Variants in LGR6 observed in about 807,000 individuals in gnomAD.
The protein encoded by LGR6 is leucine rich repeat containing G protein-coupled receptor 6.
A neutral mutation model predicts 69.4 loss-of-function variants in LGR6; 45 were observed. That is an observed-to-expected ratio of 0.65 (90% CI 0.51 to 0.83). LGR6 has a LOEUF of 0.83. Ranked by LOEUF, LGR6 falls within the 40% of genes least tolerant of loss-of-function variation. LGR6 has a pLI of 0.00. For missense variants in LGR6, 1,108 were observed against 1,246.7 expected (o/e 0.89, Z 1.68); for synonymous variants, 538 against 555.0 (o/e 0.97, Z 0.43).
At chr1:202,270,149 C>CT (rs147975243) in intron 4 of LGR6, among the ~76,000 whole-genome samples, 4,283 of 152,278 alleles carry the variant, frequency 0.028, 89 homozygotes, top group Middle Eastern at 0.086. Flanking sequence ...ACACAAAGAA[C>CT]TGTGAGTCTC....
chr1:202,276,955 C>T (rs1375178463), intron 5 of LGR6, among the ~76,000 whole-genome samples: 2 of 152,106 alleles, frequency 1.3e-5, no homozygotes, highest in African/African-American at 4.8e-5. Flanking sequence ...CCTTAAGAAG[C>T]AGAGAAAAGT....
At chr1:202,293,912 T>A (rs1571981695) in intron 6 of LGR6, among the ~76,000 whole-genome samples, 1 of 152,194 alleles carries the variant, frequency 6.6e-6, no homozygotes, top group South Asian at 2.1e-4. Context: ...GACCAGAAAC[T>A]GCCAAGGAGG....
Position 202,235,961 on chromosome 1 carries a change from G to C in LGR6, c.396G>C (p.Glu132Asp). 1.4e-5 allele frequency: 23 copies of C among 1,614,016 alleles called. No homozygotes were observed. Among genetic ancestry groups the C allele is most frequent in the Non-Finnish European group, 1.9e-5 (23 of 1,180,010 alleles). ...QNNQLGGIPAEALWELPSLQS... is the reference protein window; with the variant it reads ...QNNQLGGIPADALWELPSLQS... ...ATCAGCTGGGAGGAATCCCCGCAGA[G>C]GCGCTGTGGGAGCTGCCGAGCCTGC... The change falls in exon 4 of 18, where the codon GAG (glutamate) becomes GAC (aspartate). Residue 132 changes from glutamate to aspartate, a missense_variant. Transcript: ENST00000367278.
At chr1:202,205,570 AC>A (rs1397165958) in intron 1 of LGR6, among the ~76,000 whole-genome samples, 1 of 147,546 alleles carries the variant, frequency 6.8e-6, no homozygotes, top group African/African-American at 2.5e-5. Flanking sequence ...CCTCCTTCAA[AC>A]ATACACATAC....
At chr1:202,236,185 A>C in intron 4 of LGR6, 192 bp downstream of exon 4, 1 of 597,100 alleles carries the variant, frequency 1.7e-6, no homozygotes, top group South Asian at 2.0e-5. Flanking sequence ...GGCTGTGTAC[A>C]CTCCTATGCA....
intron 3 of LGR6, among the ~76,000 whole-genome samples, chr1:202,233,245 A>G (rs1661239236): frequency 6.6e-6 from 1 of 152,170 alleles, no homozygotes; most frequent in Non-Finnish European, 1.5e-5. Context: ...GATTTGACAA[A>G]GGAAAGGATG....
intron 1 of LGR6, among the ~76,000 whole-genome samples, chr1:202,213,148 G>A (rs189883624): frequency 1.3e-5 from 2 of 152,294 alleles, no homozygotes; most frequent in East Asian, 3.9e-4. Flanking sequence ...TGGCAATAAG[G>A]AACTTGGGCT....
Position 202,214,325 on chromosome 1 carries a change from G to A in LGR6, c.213-11098G>A. On this transcript the variant is annotated intron_variant, in intron 1 of 17. Transcript: ENST00000367278. ...AGCAGGACCCAGAAACCGACGCGAC[G>A]GGTGGGGCGCTACCCGGGCCGGCCC... The A allele has an allele frequency of 3.8e-6, 5 of 1,321,410 alleles. No homozygotes were observed. In the South Asian group the frequency reaches 7.5e-5, roughly 20 times the overall value. The allele number at this position is 1,321,410 out of a possible 1,614,324, so 81.9% of individuals were successfully genotyped here. A position where few individuals can be genotyped will look rare whatever the true frequency, so the allele number is the denominator to read the frequency against.
At chr1:202,209,800 G>A (rs1659392509) in intron 1 of LGR6, among the ~76,000 whole-genome samples, 1 of 152,162 alleles carries the variant, frequency 6.6e-6, no homozygotes, top group Admixed American at 6.5e-5. Context: ...GACCTACTGA[G>A]CCAGAATCTT....
At chr1:202,280,946 AG>A in intron 6 of LGR6, 94 bp downstream of exon 6, 6 of 1,166,336 alleles carry the variant, frequency 5.1e-6, no homozygotes, top group African/African-American at 1.5e-5. Context: ...AAGAGCCAGC[AG>A]TCCTGGGATG....
chr1:202,214,217 T>G lies in LGR6; in HGVS notation c.213-11206T>G. On this transcript the variant is annotated intron_variant, in intron 1 of 17. Transcript: ENST00000367278. The stretch of plus-strand genomic sequence containing the variant: ...GACAGAACCTCTCCCGGGCTGGGAG[T>G]GCACGGCGCGGTGCGCCCAGGTAGG... The G allele has an allele frequency of 1.9e-6, 3 of 1,541,668 alleles. No homozygotes were observed. In the Middle Eastern group the frequency reaches 5.2e-4, roughly 266 times the overall value.
At chr1:202,244,969 G>T (rs932334447) in intron 4 of LGR6, among the ~76,000 whole-genome samples, 1 of 152,192 alleles carries the variant, frequency 6.6e-6, no homozygotes, top group Admixed American at 6.5e-5. Flanking sequence ...GGGCAACAAG[G>T]CCAGAGGTCT....
chr1:202,225,178 G>A (rs1660425060), intron 1 of LGR6, among the ~76,000 whole-genome samples: 3 of 152,250 alleles, frequency 2.0e-5, no homozygotes, highest in Admixed American at 6.5e-5. Context: ...GTGAAAGGCA[G>A]AGGGGAAAGT....
rs777727797 is a variant in LGR6, at chr1:202,304,582, G to A, written c.1022G>A (p.Arg341Gln). Residue 341 changes from arginine to glutamine, a missense_variant, in exon 11 of 18, where the codon CGG becomes CAG. Coordinates refer to ENST00000367278, the MANE Select transcript of LGR6 (RefSeq NM_001017403.2). ...EILTLTRAGI[R>Q]LLPSGMCQQL... ...AGGACCCTGACCCGCGCAGGCATCCGGCTGCTCCCATCGGGGATGTGCCAA... is the reference window on the plus strand; with the variant it reads ...AGGACCCTGACCCGCGCAGGCATCCAGCTGCTCCCATCGGGGATGTGCCAA... 18 of 1,610,364 alleles carry A rather than the reference G, an allele frequency of 1.1e-5. No homozygotes were observed. The highest frequency in any genetic ancestry group is 4.4e-5 in the South Asian group (4 of 90,768).
At chr1:202,204,603 C>CACCT (rs1482872824) in intron 1 of LGR6, among the ~76,000 whole-genome samples, 1 of 53,738 alleles carries the variant, frequency 1.9e-5, no homozygotes, top group Non-Finnish European at 4.1e-5. Context: ...AACACACACA[C>CACCT]CTCCAAACAC....
chr1:202,247,429 C>T (rs1010799687), intron 4 of LGR6, among the ~76,000 whole-genome samples: 6 of 152,206 alleles, frequency 3.9e-5, no homozygotes, highest in African/African-American at 1.4e-4. Flanking sequence ...GGACAGCAAT[C>T]ATTATCAGCT....
At chr1:202,302,215 G>A (rs1248555923) in intron 9 of LGR6, among the ~76,000 whole-genome samples, 2 of 152,124 alleles carry the variant, frequency 1.3e-5, no homozygotes, top group African/African-American at 4.8e-5. Context: ...TAACATAGCC[G>A]ACATCTCCAA....
At chr1:202,299,034 C>T (rs1347254333) in intron 7 of LGR6, among the ~76,000 whole-genome samples, 1 of 151,420 alleles carries the variant, frequency 6.6e-6, no homozygotes, top group African/African-American at 2.4e-5. Context: ...CCGAGGTGGG[C>T]AGATCACTTG....
At chr1:202,317,295 C>T (rs1051496701) in intron 17 of LGR6, among the ~76,000 whole-genome samples, 2 of 151,936 alleles carry the variant, frequency 1.3e-5, no homozygotes, top group Non-Finnish European at 2.9e-5. Context: ...TCCTCAATAT[C>T]TGGGTTTGTA....
Sources: allele counts gnomAD v4.1 joint callset (sites outside exome capture counted in the v4.1 genomes callset), GRCh38; gene constraint gnomAD v4.1.1; transcripts MANE v1.5; gene names NCBI Gene and HGNC (gene_info 2026-07-23, HGNC 2026-07-21).